The following TNXB variants were observed in gnomAD, a reference collection of about 807,000 sequenced individuals.
The protein encoded by TNXB is tenascin XB.
Under a neutral mutation model 340.5 loss-of-function variants are expected in TNXB, and 183 were observed. The ratio of observed to expected loss-of-function variants is 0.54; its 90% CI spans 0.48 to 0.61. The LOEUF is 0.61. Ranked by LOEUF, TNXB falls within the 20% of genes least tolerant of loss-of-function variation. TNXB has a pLI of 0.00. For synonymous variants in TNXB, 2,121 were observed against 2,314.5 expected (o/e 0.92, Z 2.40); for missense variants, 4,613 against 5,446.4 (o/e 0.85, Z 4.82).
Position 32,050,188 on chromosome 6 carries a change from G to A in TNXB, c.9249C>T (p.Pro3083=), listed in dbSNP as rs776838156. 1.7e-5 allele frequency: 27 copies of A among 1,613,718 alleles called. No individual in the cohort carries two copies. The highest frequency in any genetic ancestry group is 5.5e-5 in the South Asian group (5 of 91,092). The part of the protein sequence containing the change: ...PDSLSLSWMV[P]EGQFDHFLVQ... The stretch of plus-strand genomic sequence containing the variant: ...CCAGGAAGTGGTCAAACTGGCCCTC[G>A]GGAACCATCCAGGACAGGCTGAGGG... Residue 3083 remains proline (P), a synonymous_variant, in exon 27 of 44, where the codon CCC becomes CCT. Transcript: ENST00000644971.
rs768063725 is a variant in TNXB, at chr6:32,090,130, A to T, written c.2359-751T>A. 6.6e-6 allele frequency among the ~76,000 whole-genome samples: 1 copy of T among 152,130 alleles called. No homozygotes were observed. Among genetic ancestry groups the T allele is most frequent in the Non-Finnish European group, 1.5e-5 (1 of 68,024 alleles). ...CAAAGTTCCACAAATATGTTTCCTG[A>T]TTGTTGATTTTGTACCTGGCATCAT... is the stretch of plus-strand genomic sequence containing the variant. On this transcript the variant is annotated intron_variant, in intron 4 of 43. Coordinates refer to ENST00000644971, the MANE Select transcript of TNXB (RefSeq NM_001365276.2). The surrounding 1 kb of genome is among the most constrained non-coding windows in gnomAD (Gnocchi z 4.3).
Position 32,079,634 on chromosome 6 carries a change from G to A in TNXB, c.4043-269C>T, listed in dbSNP as rs1303402173. On this transcript the variant is annotated intron_variant, in intron 10 of 43. Coordinates refer to ENST00000644971, the MANE Select transcript of TNXB (RefSeq NM_001365276.2). This position sits in a 1 kb window ranked among gnomAD's most constrained non-coding sequence, Gnocchi z 7.1. ...GCCTCTGAGGGTTCTTCCAAACCAC[G>A]TTCACTGACAGTGCTGACCTCAGAC... is the stretch of plus-strand genomic sequence containing the variant. Among the ~76,000 whole-genome samples, 4 of 152,268 alleles carry A rather than the reference G, an allele frequency of 2.6e-5. No homozygotes were observed. In the East Asian group the frequency reaches 5.8e-4, roughly 22 times the overall value.
rs1294860920 is a variant in TNXB, at chr6:32,046,249, T to C, written c.10532A>G (p.Lys3511Arg). The C allele has an allele frequency of 1.2e-6, 2 of 1,605,368 alleles. No individual in the cohort carries two copies. The highest frequency in any genetic ancestry group is 1.1e-5 in the South Asian group (1 of 89,480). The change falls in exon 31 of 44, where the codon AAG becomes AGG. Residue 3511 changes from lysine (K) to arginine (R), a missense_variant. Lys to Arg is a conservative substitution (Grantham distance 26). Coordinates refer to ENST00000644971, the MANE Select transcript of TNXB (RefSeq NM_001365276.2). The surrounding 1 kb of genome is among the most constrained non-coding windows in gnomAD (Gnocchi z 6.9). ...TVTVEDLEPG[K>R]KYKFLLYGLL... The stretch of plus-strand genomic sequence containing the variant: ...CCCGTAGAGCAGAAACTTGTATTTC[T>C]TGCCAGGCTCCAGGTCCTCTACGGT...
rs1405042782 is a variant in TNXB, at chr6:32,097,545, G to A, written c.404-96C>T. On this transcript the variant is annotated intron_variant, in intron 2 of 43. Coordinates refer to ENST00000644971, the MANE Select transcript of TNXB (RefSeq NM_001365276.2). The surrounding 1 kb of genome is among the most constrained non-coding windows in gnomAD (Gnocchi z 5.9). ...TATGTGCAGGCCCCTAGCCAGGCTAGCCTCATCTCATAAGGCCATGTCTGC... is the reference window on the plus strand; with the variant it reads ...TATGTGCAGGCCCCTAGCCAGGCTAACCTCATCTCATAAGGCCATGTCTGC... 3 of 1,430,014 alleles carry A rather than the reference G, an allele frequency of 2.1e-6. No homozygotes were observed. In the African/African-American group the frequency reaches 4.2e-5, roughly 20 times the overall value. 88.6% of individuals were successfully genotyped at this position (1,430,014 alleles called of 1,614,324 possible).
At position 32,048,416 on chromosome 6, in the gene TNXB, A is replaced by T. The variant is rs1284215813; in HGVS notation, c.9992T>A (p.Phe3331Tyr). ...DPARKYKFLL[F>Y]GLQNGKRHGP... ...GTGGCGTTTCCCATTCTGGAGTCCA[A>T]AGAGCAGGAACTTGTACTTGCGGGC... The change falls in exon 29 of 44, where the codon TTT (phenylalanine) becomes TAT (tyrosine). Residue 3331 changes from phenylalanine (F) to tyrosine (Y), a missense_variant. Physicochemically the swap from Phe to Tyr is conservative, Grantham distance 22. Around this residue, in one of 7 missense-constraint regions of TNXB, gnomAD observed 4,327 missense variants for 4,859.4 expected, o/e 0.89. Coordinates refer to ENST00000644971, the MANE Select transcript of TNXB (RefSeq NM_001365276.2). 6.5e-7 allele frequency: 1 copy of T among 1,546,624 alleles called. No homozygotes were observed. The highest frequency in any genetic ancestry group is 1.4e-5 in the African/African-American group (1 of 73,474).
rs1008330744 is a variant in TNXB, at chr6:32,083,000, T to C, written c.3446-674A>G. On this transcript the variant is annotated intron_variant, in intron 8 of 43. Coordinates refer to ENST00000644971, the MANE Select transcript of TNXB (RefSeq NM_001365276.2). This position sits in a 1 kb window ranked among gnomAD's most constrained non-coding sequence, Gnocchi z 5.0. ...TCCCAGCCCAGATTCCAGAAAGTGA[T>C]GTCTACACTGATTGCAGCCATGTCC... 5.9e-5 allele frequency among the ~76,000 whole-genome samples: 9 copies of C among 152,136 alleles called. No individual in the cohort carries two copies. The highest frequency in any genetic ancestry group is 2.2e-4 in the African/African-American group (9 of 41,424).
chr6:32,049,256 G>C lies in TNXB; in HGVS notation c.9757+14C>G. 6.2e-7 allele frequency: 1 copy of C among 1,605,102 alleles called. No homozygotes were observed. Reference sequence around the variant, plus strand: ...GAGGTAAACCTGGGGACGAGGGCCTGTCCCCCCACTCACCCGTGATGCCCA... The same window carrying C: ...GAGGTAAACCTGGGGACGAGGGCCTCTCCCCCCACTCACCCGTGATGCCCA... On this transcript the variant is annotated intron_variant, in intron 28 of 43. Transcript: ENST00000644971. This position sits in a 1 kb window ranked among gnomAD's most constrained non-coding sequence, Gnocchi z 4.5.
At chr6:32,060,490 G>A (rs1777943727) in intron 21 of TNXB, among the ~76,000 whole-genome samples, 1 of 151,834 alleles carries the variant, frequency 6.6e-6, no homozygotes, top group African/African-American at 2.4e-5. Flanking sequence ...TTTGGACTAT[G>A]CAGAATAGAA....
rs181025235 is a variant in TNXB at position 32,069,698 on chromosome 6, G to A, written c.5442C>T (p.Asp1814=). The A allele has an allele frequency of 6.4e-5, 103 of 1,612,374 alleles. No homozygotes were observed. The highest frequency in any genetic ancestry group is 1.5e-4 in the Admixed American group (9 of 59,916). ...CCACGGGCACCACCTGGGGCTGCCC[G>A]TCCCTGTCTTTGTACTGGACCACAA... ...DSFVVQYKDR[D]GQPQVVPVEG... is the part of the protein sequence containing the mutation. The change falls in exon 15 of 44, where the codon GAC becomes GAT. Residue 1814 remains aspartate (D), a synonymous_variant. Coordinates refer to ENST00000644971, the MANE Select transcript of TNXB (RefSeq NM_001365276.2). This position sits in a 1 kb window ranked among gnomAD's most constrained non-coding sequence, Gnocchi z 6.2.
chr6:32,055,472 C>T (rs898720292), intron 24 of TNXB, among the ~76,000 whole-genome samples: 46 of 152,132 alleles, frequency 3.0e-4, no homozygotes, highest in Non-Finnish European at 5.3e-4. Context: ...GTGCAGTCGA[C>T]GCGCTGCCCC....
chr6:32,097,736 T>C lies in TNXB; in HGVS notation c.403+60A>G, dbSNP rs1192295135. Reference sequence around the variant, plus strand: ...TTCTAATTCATACCAAGGACCTTTATGGACTAGCAATGCCCACCCCACCCC... The same window carrying C: ...TTCTAATTCATACCAAGGACCTTTACGGACTAGCAATGCCCACCCCACCCC... On this transcript the variant is annotated intron_variant, in intron 2 of 43. Coordinates refer to ENST00000644971, the MANE Select transcript of TNXB (RefSeq NM_001365276.2). This position sits in a 1 kb window ranked among gnomAD's most constrained non-coding sequence, Gnocchi z 5.9. 16 of 1,477,422 alleles carry C rather than the reference T, an allele frequency of 1.1e-5. No individual in the cohort carries two copies. The highest frequency in any genetic ancestry group is 1.4e-5 in the Non-Finnish European group (16 of 1,111,142). 91.5% of individuals were successfully genotyped at this position (1,477,422 alleles called of 1,614,324 possible).
intron 1 of TNXB, among the ~76,000 whole-genome samples, chr6:32,100,479 G>A (rs2127297990): frequency 6.6e-6 from 1 of 152,262 alleles, no homozygotes; most frequent in South Asian, 2.1e-4. Context: ...TGTAATCCCA[G>A]CACTTCAGGA....
chr6:32,052,821 G>C lies in TNXB; in HGVS notation c.8964C>G (p.Asp2988Glu). The change falls in exon 26 of 44, where the codon GAC (aspartate) becomes GAG (glutamate). Residue 2988 changes from aspartate to glutamate, a missense_variant. Transcript: ENST00000644971. This position sits in a 1 kb window ranked among gnomAD's most constrained non-coding sequence, Gnocchi z 4.7. ...RFDSFTVQYKDRDGRPQVVRV... is the reference protein window; with the variant it reads ...RFDSFTVQYKERDGRPQVVRV... ...GCACCACCTGGGGCCGCCCGTCCCT[G>C]TCCTTGTACTGCACAGTGAAGGAGT... 1 of 1,613,660 alleles carries C rather than the reference G, an allele frequency of 6.2e-7. No individual in the cohort carries two copies. Among genetic ancestry groups the C allele is most frequent in the Admixed American group, 1.7e-5 (1 of 60,026 alleles).
rs527326197 is a variant in TNXB at position 32,045,189 on chromosome 6, G to A, written c.10744C>T (p.Pro3582Ser). 35 of 1,613,018 alleles carry A rather than the reference G, an allele frequency of 2.2e-5. No individual in the cohort carries two copies. Among genetic ancestry groups the A allele is most frequent in the African/African-American group, 1.7e-4 (13 of 75,076 alleles). ...MRLSWSVAQG[P>S]FDSFVVQYED... ...TACTGGACCACGAAGGAATCAAAGG[G>A]GCCCTGGGCCACGCTCCACGAGAGG... The change falls in exon 32 of 44, where the codon CCC becomes TCC. Residue 3582 changes from proline to serine, a missense_variant. Physicochemically the swap from Pro to Ser is moderately conservative, Grantham distance 74 (BLOSUM62 -1). Coordinates refer to ENST00000644971, the MANE Select transcript of TNXB (RefSeq NM_001365276.2).
rs147614577 is a variant in TNXB at position 32,077,670 on chromosome 6, T to G, written c.4375+1363A>C. 1.8e-3 allele frequency among the ~76,000 whole-genome samples: 276 copies of G among 152,262 alleles called. 2 individuals are homozygous for G. The highest frequency in any genetic ancestry group is 0.01 in the Middle Eastern group (3 of 292). ...GTGGATGTGGCCCTGTAACCAGGCC[T>G]GAGAGAAAGGGTGGAAGGGATGTTC... On this transcript the variant is annotated intron_variant, in intron 11 of 43. Transcript: ENST00000644971.
rs1250425169 is a variant in TNXB, at chr6:32,096,805, C to T, written c.1048G>A (p.Gly350Arg). The T allele has an allele frequency of 1.3e-6, 2 of 1,589,736 alleles. No individual in the cohort carries two copies. Among genetic ancestry groups the T allele is most frequent in the Admixed American group, 3.6e-5 (2 of 56,254 alleles). ...RSCPWDCGEGGRCVDGRCVCW... is the reference protein window; with the variant it reads ...RSCPWDCGEGRRCVDGRCVCW... ...ACGCAGCGGCCGTCCACGCAGCGCC[C>T]GCCCTCGCCACAGTCCCAGGGGCAG... The change falls in exon 3 of 44, where the codon GGG becomes AGG. Residue 350 changes from glycine (G) to arginine (R), a missense_variant. By Grantham distance (125) the Gly-to-Arg change is moderately radical. Coordinates refer to ENST00000644971, the MANE Select transcript of TNXB (RefSeq NM_001365276.2).
Position 32,075,185 on chromosome 6 carries a change from C to G in TNXB, c.4376-1233G>C, listed in dbSNP as rs1779017014. Among the ~76,000 whole-genome samples, 1 of 152,230 alleles carries G rather than the reference C, an allele frequency of 6.6e-6. No individual in the cohort carries two copies. On this transcript the variant is annotated intron_variant, in intron 11 of 43. Transcript: ENST00000644971. The surrounding 1 kb of genome is among the most constrained non-coding windows in gnomAD (Gnocchi z 4.6). ...CTCAGGTCATCGCCTTCTGCCCTCA[C>G]CCCCCTTTAGTCTGTTGGGTCTGCA...
At position 32,097,993 on chromosome 6, in the gene TNXB, T is replaced by A; in HGVS notation, c.206A>T (p.Lys69Met). 1 of 1,607,372 alleles carries A rather than the reference T, an allele frequency of 6.2e-7. No individual in the cohort carries two copies. Among genetic ancestry groups the A allele is most frequent in the South Asian group, 1.1e-5 (1 of 89,558 alleles). The part of the protein sequence containing the change: ...LYEHTVEGGE[K>M]QVVFTHRINL... ...AATGCGGTGGGTGAATACCACCTGCTTCTCCCCTCCTTCCACTGTGTGCTC... is the reference window on the plus strand; with the variant it reads ...AATGCGGTGGGTGAATACCACCTGCATCTCCCCTCCTTCCACTGTGTGCTC... Residue 69 changes from lysine (K) to methionine (M), a missense_variant, in exon 2 of 44, where the codon AAG becomes ATG. Around this residue, in one of 7 missense-constraint regions of TNXB, gnomAD observed 4,327 missense variants for 4,859.4 expected, o/e 0.89. Transcript: ENST00000644971. This position sits in a 1 kb window ranked among gnomAD's most constrained non-coding sequence, Gnocchi z 5.9.
Position 32,053,387 on chromosome 6 carries a change from C to T in TNXB, c.8791+1G>A, listed in dbSNP as rs1562798003. 8.7e-6 allele frequency: 14 copies of T among 1,612,116 alleles called. No individual in the cohort carries two copies. Among genetic ancestry groups the T allele is most frequent in the Non-Finnish European group, 1.2e-5 (14 of 1,179,674 alleles). Reference sequence around the variant, plus strand: ...CTCTGGGGCTCCCATCGTACACTCACCTGTCACCCCAATGACAGAGATGGG... The same window carrying T: ...CTCTGGGGCTCCCATCGTACACTCATCTGTCACCCCAATGACAGAGATGGG... On this transcript the variant is annotated splice_donor_variant, in intron 25 of 43. Transcript: ENST00000644971. LOFTEE classifies it high-confidence loss of function.
Sources: gnomAD v4.1 joint callset for allele counts (sites outside exome capture counted in the v4.1 genomes callset) on GRCh38, gnomAD v4.1.1 for gene constraint, gnomAD v4.1.1 regional missense constraint, Gnocchi (gnomAD v3.1) non-coding constraint, MANE v1.5 for transcripts, NCBI Gene and HGNC (gene_info 2026-07-23, HGNC 2026-07-21) for gene names.